ZNF154: variants seen among roughly 807,000 people sequenced by gnomAD.
ZNF154 encodes zinc finger protein 154 (pHZ-92).
Under a neutral mutation model 7.5 loss-of-function variants are expected in ZNF154, and 6 were observed. The ratio of observed to expected loss-of-function variants is 0.80; its 90% CI spans 0.44 to 1.57. ZNF154 has a LOEUF of 1.57. Among genes scored for constraint, ZNF154 ranks in the 40% most tolerant of loss-of-function variants. ZNF154 has a pLI of 0.01. For synonymous variants in ZNF154, 187 were observed against 185.9 expected, an observed-to-expected ratio of 1.01 and a Z score of -0.05; for missense variants, 485 against 531.4, an observed-to-expected ratio of 0.91 and a Z score of 0.86.
In ZNF154 at chr19:57,698,706, T is replaced by C. The variant is rs1432092496; in HGVS notation, c.*2929A>G. ...TAAATGTGGTTATACATCATTTTAATAGGCATTTCTCGCTTTATGTTTTTT... is the reference window on the plus strand; with the variant it reads ...TAAATGTGGTTATACATCATTTTAACAGGCATTTCTCGCTTTATGTTTTTT... On this transcript the variant is annotated 3_prime_UTR_variant, in exon 3 of 3. Coordinates refer to ENST00000684351, the MANE Select transcript of ZNF154 (RefSeq NM_001085384.3). 1 of 152,246 alleles carries C rather than the reference T, an allele frequency of 6.6e-6. No homozygotes were observed. The highest frequency in any genetic ancestry group is 1.5e-5 in the Non-Finnish European group (1 of 68,050). 9.4% of individuals were successfully genotyped at this position (152,246 alleles called of 1,614,324 possible).
Position 57,701,489 on chromosome 19 carries a change from A to G in ZNF154, c.*146T>C, listed in dbSNP as rs535060837. On this transcript the variant is annotated 3_prime_UTR_variant, in exon 3 of 3. Transcript: ENST00000684351. The stretch of plus-strand genomic sequence containing the variant: ...GCTGTTATATCAACTGGACATCCCT[A>G]CATATCAAAAGTGTCTTTCCCTTGT... 2.7e-5 allele frequency: 23 copies of G among 845,828 alleles called. No homozygotes were observed. The East Asian group carries it at 5.6e-4, about 21-fold the overall frequency. The allele number at this position is 845,828 out of a possible 1,614,324, so 52.4% of individuals were successfully genotyped here. A position where few individuals can be genotyped will look rare whatever the true frequency, so the allele number is the denominator to read the frequency against.
At chr19:57,708,354 C>A (rs1985480080) in intron 1 of ZNF154, among the ~76,000 whole-genome samples, 1 of 152,120 alleles carries the variant, frequency 6.6e-6, no homozygotes, top group Non-Finnish European at 1.5e-5. Context: ...GATCACTTGT[C>A]AGGAGTTCCA....
At position 57,701,314 on chromosome 19, in the gene ZNF154, A is replaced by G. The variant is rs936687142; in HGVS notation, c.*321T>C. On this transcript the variant is annotated 3_prime_UTR_variant, in exon 3 of 3. Coordinates refer to ENST00000684351, the MANE Select transcript of ZNF154 (RefSeq NM_001085384.3). ...CAGTAGAGGTAAAATGGCTTCCACT[A>G]TAGTATCAGCAGAGACATAAATCTG... The G allele has an allele frequency of 2.6e-5, 8 of 305,420 alleles. No homozygotes were observed. The highest frequency in any genetic ancestry group is 2.3e-4 in the Admixed American group (5 of 21,834). The allele number at this position is 305,420 out of a possible 1,614,324, so 18.9% of individuals were successfully genotyped here. A position where few individuals can be genotyped will look rare whatever the true frequency, so the allele number is the denominator to read the frequency against.
In ZNF154 at chr19:57,708,963, C is replaced by T. The variant is rs758275526; in HGVS notation, c.9G>A (p.Ala3=). 11 of 1,560,258 alleles carry T rather than the reference C, an allele frequency of 7.1e-6. No individual in the cohort carries two copies. Among genetic ancestry groups the T allele is most frequent in the African/African-American group, 2.7e-5 (2 of 73,438 alleles). Residue 3 remains alanine, a synonymous_variant, in exon 1 of 3, where the codon GCG becomes GCA. Transcript: ENST00000684351. Reference sequence around the variant, plus strand: ...CCTGAGTTGGCGTCCTCAGAGTGGCCGCTGCCATCAGACTCTGCGGGTAGA... The same window carrying T: ...CCTGAGTTGGCGTCCTCAGAGTGGCTGCTGCCATCAGACTCTGCGGGTAGA... MA[A]ATLRTPTQGT...
rs762689420 is a variant in ZNF154, at chr19:57,702,130, A to G, written c.819T>C (p.Tyr273=). ...HRGVHTGERP[Y]ECSECGKFFT... ...AAAACTTCCCACATTCACTGCACTCATAAGGCCTCTCCCCAGTGTGAACTC... is the reference window on the plus strand; with the variant it reads ...AAAACTTCCCACATTCACTGCACTCGTAAGGCCTCTCCCCAGTGTGAACTC... The change falls in exon 3 of 3, where the codon TAT becomes TAC. Residue 273 remains tyrosine, a synonymous_variant. Transcript: ENST00000684351. 7.4e-6 allele frequency: 12 copies of G among 1,613,008 alleles called. No homozygotes were observed. The African/African-American group carries it at 1.5e-4, about 20-fold the overall frequency.
Position 57,702,539 on chromosome 19 carries a change from T to A in ZNF154, c.410A>T (p.Glu137Val), listed in dbSNP as rs1568461712. 1.2e-6 allele frequency: 2 copies of A among 1,614,158 alleles called. No individual in the cohort carries two copies. The highest frequency in any genetic ancestry group is 2.2e-5 in the South Asian group (2 of 91,078). Residue 137 changes from glutamate (E) to valine (V), a missense_variant, in exon 3 of 3, where the codon GAA becomes GTA. By Grantham distance (121) the Glu-to-Val change is moderately radical (BLOSUM62 -2). Transcript: ENST00000684351. ...HRGKTHYNCG[E>V]HTKAFSGKHT... is the part of the protein sequence containing the mutation. ...TTTACCGCTGAATGCTTTTGTGTGT[T>A]CTCCACAGTTGTAATGAGTTTTTCC...
chr19:57,696,444 A>G lies in ZNF154; in HGVS notation c.*5191T>C, dbSNP rs1403436429. The stretch of plus-strand genomic sequence containing the variant: ...CACACCTTTTGCCAGGATCCCAGAG[A>G]GTACTGTGAGCACTCCTATTCCACA... On this transcript the variant is annotated 3_prime_UTR_variant, in exon 3 of 3. Transcript: ENST00000684351. Among the ~76,000 whole-genome samples, 2 of 152,150 alleles carry G rather than the reference A, an allele frequency of 1.3e-5. No homozygotes were observed. Among genetic ancestry groups the G allele is most frequent in the African/African-American group, 4.8e-5 (2 of 41,450 alleles).
chr19:57,698,074 C>T lies in ZNF154; in HGVS notation c.*3561G>A, dbSNP rs1568459889. 6.6e-6 allele frequency: 1 copy of T among 151,870 alleles called. No individual in the cohort carries two copies. The highest frequency in any genetic ancestry group is 1.5e-5 in the Non-Finnish European group (1 of 67,954). 9.4% of individuals were successfully genotyped at this position (151,870 alleles called of 1,614,324 possible). A position where few individuals can be genotyped will look rare whatever the true frequency, so the allele number is the denominator to read the frequency against. ...CATAACAAATGAATGAATGAATAAA[C>T]GAATACTGGTATATCCACAGAACAT... On this transcript the variant is annotated 3_prime_UTR_variant, in exon 3 of 3. Transcript: ENST00000684351.
chr19:57,701,927 C>T lies in ZNF154; in HGVS notation c.1022G>A (p.Arg341Lys), dbSNP rs764915209. 2 of 1,611,804 alleles carry T rather than the reference C, an allele frequency of 1.2e-6. No homozygotes were observed. The highest frequency in any genetic ancestry group is 1.7e-6 in the Non-Finnish European group (2 of 1,179,512). ...CSECGKSFSQ[R>K]SALLQHRGVH... ...TCCCCGATGTTGAAGGAGTGCAGAC[C>T]TTTGGCTAAAGGATTTCCCACATTC... Residue 341 changes from arginine to lysine, a missense_variant, in exon 3 of 3, where the codon AGG (arginine) becomes AAG (lysine). Coordinates refer to ENST00000684351, the MANE Select transcript of ZNF154 (RefSeq NM_001085384.3).
rs2122365066 is a variant in ZNF154, at chr19:57,697,052, C to T, written c.*4583G>A. 6.6e-6 allele frequency among the ~76,000 whole-genome samples: 1 copy of T among 152,272 alleles called. No individual in the cohort carries two copies. Among genetic ancestry groups the T allele is most frequent in the East Asian group, 1.9e-4 (1 of 5,190 alleles). ...GTGCTGTCAAATTCGTATTTGAGGA[C>T]TTGTTGTTGTTTATCTTGAAAACGT... On this transcript the variant is annotated 3_prime_UTR_variant, in exon 3 of 3. Transcript: ENST00000684351.
At chr19:57,703,417 G>C (rs181786582) in intron 2 of ZNF154, among the ~76,000 whole-genome samples, 1 of 148,898 alleles carries the variant, frequency 6.7e-6, no homozygotes, top group Non-Finnish European at 1.5e-5. Flanking sequence ...CCCGGGAGGC[G>C]GAGGTTGCAG....
intron 2 of ZNF154, among the ~76,000 whole-genome samples, chr19:57,704,150 G>A (rs1186935523): frequency 6.6e-6 from 1 of 152,216 alleles, no homozygotes; most frequent in African/African-American, 2.4e-5. Flanking sequence ...GATGTTAAGA[G>A]CAGAAGTGAC....
In ZNF154 at chr19:57,697,074, A is replaced by G. The variant is rs922942523; in HGVS notation, c.*4561T>C. ...GGACTTGTTGTTGTTTATCTTGAAA[A>G]CGTGTGTAATGGGCTACATCTGCTA... is the stretch of plus-strand genomic sequence containing the variant. On this transcript the variant is annotated 3_prime_UTR_variant, in exon 3 of 3. Transcript: ENST00000684351. Among the ~76,000 whole-genome samples the G allele has an allele frequency of 2.6e-5, 4 of 152,056 alleles. No homozygotes were observed. Among genetic ancestry groups the G allele is most frequent in the African/African-American group, 4.8e-5 (2 of 41,414 alleles).
At chr19:57,707,642 C>T (rs983923318) in intron 1 of ZNF154, among the ~76,000 whole-genome samples, 3 of 152,166 alleles carry the variant, frequency 2.0e-5, no homozygotes, top group Non-Finnish European at 4.4e-5. Flanking sequence ...CTCATTACCT[C>T]CAGAATAGGT....
At chr19:57,702,905 T>C in intron 2 of ZNF154, 117 bp from the exon 3 acceptor site, 1 of 1,012,598 alleles carries the variant, frequency 9.9e-7, no homozygotes. Flanking sequence ...GCTACACGTC[T>C]CACAGTGGTG....
In ZNF154 at chr19:57,699,689, TGGCTG is replaced by T. The variant is rs1243791848; in HGVS notation, c.*1941_*1945del. The T allele has an allele frequency of 3.8e-5, 6 of 159,818 alleles. No homozygotes were observed. Among genetic ancestry groups the T allele is most frequent in the Non-Finnish European group, 7.1e-5 (5 of 70,790 alleles). The allele number at this position is 159,818 out of a possible 1,614,324, so 9.9% of individuals were successfully genotyped here. A position where few individuals can be genotyped will look rare whatever the true frequency, so the allele number is the denominator to read the frequency against. Reference sequence around the variant, plus strand: ...AGGAAATTGGAATGGTGAAAAAGCTTGGCTGGGCGCAGTGGCTCATGCCTGTAAAT... The same window carrying T: ...AGGAAATTGGAATGGTGAAAAAGCTTGGCGCAGTGGCTCATGCCTGTAAAT... On this transcript the variant is annotated 3_prime_UTR_variant, in exon 3 of 3. Transcript: ENST00000684351.
At chr19:57,703,484 C>CAAAAAAA (rs3062223) in intron 2 of ZNF154, among the ~76,000 whole-genome samples, 1 of 75,134 alleles carries the variant, frequency 1.3e-5, no homozygotes, top group Non-Finnish European at 2.3e-5. Context: ...GACTCCGTCT[C>CAAAAAAA]AAAAAAAAAA....
rs202082426 is a variant in ZNF154, at chr19:57,702,585, C to T, written c.364G>A (p.Gly122Ser). ...TTTCCTCTGTGACTGATGGCCCCAC[C>T]GTCGCTTTTGCTATTTGATTGCTCC... ...TGEQSNSKSD[G>S]GAISHRGKTH... Residue 122 changes from glycine to serine, a missense_variant, in exon 3 of 3, where the codon GGT becomes AGT. Gly to Ser is a moderately conservative substitution (Grantham distance 56). Transcript: ENST00000684351. 103 of 1,613,856 alleles carry T rather than the reference C, an allele frequency of 6.4e-5. No individual in the cohort carries two copies. The African/African-American group carries it at 1.1e-3, about 18-fold the overall frequency.
Position 57,701,595 on chromosome 19 carries a change from G to A in ZNF154, c.*40C>T, listed in dbSNP as rs776380083. The A allele has an allele frequency of 5.2e-5, 82 of 1,584,886 alleles. No homozygotes were observed. Among genetic ancestry groups the A allele is most frequent in the Non-Finnish European group, 6.5e-5 (76 of 1,162,740 alleles). On this transcript the variant is annotated 3_prime_UTR_variant, in exon 3 of 3. Transcript: ENST00000684351. ...CTGTGTACTCAAGGACTTTCTCCAG[G>A]GTGCTAACAGATTTTCCACATTTGC...
Sources: allele counts gnomAD v4.1 joint callset (sites outside exome capture counted in the v4.1 genomes callset), GRCh38; gene constraint gnomAD v4.1.1; transcripts MANE v1.5; gene names NCBI Gene and HGNC (gene_info 2026-07-23, HGNC 2026-07-21).